The following ZNF714 variants were observed in gnomAD, a reference collection of about 807,000 sequenced individuals.
ZNF714 encodes the protein zinc finger protein 714.
ZNF714 carries 32 observed loss-of-function variants against 46.2 expected under a neutral mutation model. The ratio of observed to expected loss-of-function variants is 0.69; its 90% CI spans 0.52 to 0.93. ZNF714 has a LOEUF of 0.93. ZNF714 is among the 40% of genes least tolerant of loss of function. ZNF714 has a pLI of 0.00. For missense variants in ZNF714, 635 were observed against 646.3 expected, an observed-to-expected ratio of 0.98 and a Z score of 0.19; for synonymous variants, 199 against 213.1, an observed-to-expected ratio of 0.93 and a Z score of 0.58.
chr19:21,098,691 T>TTAATTTAC, intron 3 of ZNF714, 121 bp from the exon 4 acceptor site: 1 of 595,668 alleles, frequency 1.7e-6, no homozygotes, highest in Non-Finnish European at 2.7e-6. Context: ...ATGTGTCTCA[T>TTAATTTAC]TAATTAGTAT....
Position 21,121,672 on chromosome 19 carries a change from A to G in ZNF714, c.*3340A>G, listed in dbSNP as rs577157005. 1.3e-5 allele frequency: 2 copies of G among 152,352 alleles called. No homozygotes were observed. Among genetic ancestry groups the G allele is most frequent in the Admixed American group, 1.3e-4 (2 of 15,300 alleles). The allele number at this position is 152,352 out of a possible 1,614,324, so 9.4% of individuals were successfully genotyped here. A position where few individuals can be genotyped will look rare whatever the true frequency, so the allele number is the denominator to read the frequency against. On this transcript the variant is annotated 3_prime_UTR_variant, in exon 5 of 5. Coordinates refer to ENST00000456283, the MANE Select transcript of ZNF714 (RefSeq NM_182515.4). The stretch of plus-strand genomic sequence containing the variant: ...AAAGAACAATATGGGAATAAAAATC[A>G]TTTTAATAAGGTGGCTACTATAAAA...
chr19:21,114,149 T>C (rs1459841372), intron 4 of ZNF714, among the ~76,000 whole-genome samples: 1 of 152,088 alleles, frequency 6.6e-6, no homozygotes, highest in Admixed American at 6.5e-5. Context: ...TCAGAAACTG[T>C]GATTGCAGGC....
At chr19:21,098,418 G>A (rs113721738) in intron 3 of ZNF714, 107 bp downstream of exon 3, 6 of 1,364,914 alleles carry the variant, frequency 4.4e-6, no homozygotes, top group African/African-American at 3.0e-5. Context: ...ATGAGTTTCT[G>A]ATCCCAGTTT....
chr19:21,117,997 A>G lies in ZNF714; in HGVS notation c.1333A>G (p.Arg445Gly), dbSNP rs1969641237. Residue 445 changes from arginine (R) to glycine (G), a missense_variant, in exon 5 of 5, where the codon AGA becomes GGA. Coordinates refer to ENST00000456283, the MANE Select transcript of ZNF714 (RefSeq NM_182515.4). ...ATCCTCAAACCTTACTACACATAAGAGAATTCACACTGGAGAGAAACCCTA... is the reference window on the plus strand; with the variant it reads ...ATCCTCAAACCTTACTACACATAAGGGAATTCACACTGGAGAGAAACCCTA... ...NRSSNLTTHK[R>G]IHTGEKPYKC... 6.2e-7 allele frequency: 1 copy of G among 1,613,756 alleles called. No individual in the cohort carries two copies. The highest frequency in any genetic ancestry group is 1.3e-5 in the African/African-American group (1 of 75,064).
chr19:21,096,919 T>C lies in ZNF714; in HGVS notation c.-84-1266T>C, dbSNP rs905589118. ...TCTCGCTCTGTTGCCCAGGCTAGAG[T>C]GCAGTGGCGCAATCTCAGCTCACTG... is the stretch of plus-strand genomic sequence containing the variant. On this transcript the variant is annotated intron_variant, in intron 2 of 4. Coordinates refer to ENST00000456283, the MANE Select transcript of ZNF714 (RefSeq NM_182515.4). 2.8e-4 allele frequency among the ~76,000 whole-genome samples: 42 copies of C among 152,258 alleles called. 1 individual carries two copies. The highest frequency in any genetic ancestry group is 1.1e-3 in the Admixed American group (17 of 15,276).
Position 21,117,142 on chromosome 19 carries a change from C to CTA in ZNF714, c.479_480dup (p.His161TyrfsTer62), listed in dbSNP as rs758620029. 6.2e-7 allele frequency: 1 copy of CTA among 1,613,894 alleles called. No homozygotes were observed. Among genetic ancestry groups the CTA allele is most frequent in the Non-Finnish European group, 8.5e-7 (1 of 1,179,884 alleles). ...TGAATCATTTTGCATGCTTTTACAC[C>CTA]TACATCAACATAAAAGAATTCATAT... On this transcript the variant is annotated frameshift_variant, in exon 5 of 5. Coordinates refer to ENST00000456283, the MANE Select transcript of ZNF714 (RefSeq NM_182515.4). LOFTEE classifies it high-confidence loss of function.
rs189627000 is a variant in ZNF714, at chr19:21,110,354, G to A, written c.143-6453G>A. Among the ~76,000 whole-genome samples, 28 of 152,232 alleles carry A rather than the reference G, an allele frequency of 1.8e-4. No homozygotes were observed. The South Asian group carries it at 3.9e-3, about 21-fold the overall frequency. ...CATTTGTTTAATGATCACTGATGTT[G>A]AGCTTTTTTTCATGTTTTATTGGCC... On this transcript the variant is annotated intron_variant, in intron 4 of 4. Transcript: ENST00000456283.
intron 4 of ZNF714, 49 bp downstream of exon 4, chr19:21,098,959 TAAAAAA>T: frequency 1.5e-6 from 1 of 678,858 alleles, no homozygotes; most frequent in South Asian, 3.0e-5. Flanking sequence ...GGTACAAAGG[TAAAAAA>T]AAAAAAAAAG....
chr19:21,117,472 T>G lies in ZNF714; in HGVS notation c.808T>G (p.Ser270Ala). 6.2e-7 allele frequency: 1 copy of G among 1,611,192 alleles called. No individual in the cohort carries two copies. Among genetic ancestry groups the G allele is most frequent in the East Asian group, 2.2e-5 (1 of 44,734 alleles). The change falls in exon 5 of 5, where the codon TCA becomes GCA. Residue 270 changes from serine (S) to alanine (A), a missense_variant. Physicochemically the swap from Ser to Ala is moderately conservative, Grantham distance 99. Transcript: ENST00000456283. ...ATGTGGTAAAGCTTTTAACCACCCT[T>G]CAGCCCTTACTACACATAAGTTCAT... ...EECGKAFNHPSALTTHKFIHV... is the reference protein window; with the variant it reads ...EECGKAFNHPAALTTHKFIHV...
At chr19:21,114,014 A>C (rs2144874886) in intron 4 of ZNF714, among the ~76,000 whole-genome samples, 1 of 152,318 alleles carries the variant, frequency 6.6e-6, no homozygotes, top group East Asian at 1.9e-4. Context: ...TGGAAGTCTA[A>C]GTCTCTTTAT....
At chr19:21,098,160 G>A (rs1969088070) in intron 2 of ZNF714, 25 bp from the exon 3 acceptor site, 10 of 1,588,614 alleles carry the variant, frequency 6.3e-6, no homozygotes, top group Non-Finnish European at 8.5e-6. Flanking sequence ...AAATATACGT[G>A]TGTCTGTGCG....
Position 21,083,995 on chromosome 19 carries a change from A to C in ZNF714, c.-159A>C. 1 of 1,289,888 alleles carries C rather than the reference A, an allele frequency of 7.8e-7. No homozygotes were observed. Among genetic ancestry groups the C allele is most frequent in the South Asian group, 1.3e-5 (1 of 77,588 alleles). 79.9% of individuals were successfully genotyped at this position (1,289,888 alleles called of 1,614,324 possible). A position where few individuals can be genotyped will look rare whatever the true frequency, so the allele number is the denominator to read the frequency against. On this transcript the variant is annotated 5_prime_UTR_variant, in exon 2 of 5. Transcript: ENST00000456283. ...TTCCATAGGGCGACCTGAGGTCTGG[A>C]GTGTATCCTCTCAAGGGAGCAAGTG... is the stretch of plus-strand genomic sequence containing the variant.
At chr19:21,103,308 C>G (rs913022408) in intron 4 of ZNF714, among the ~76,000 whole-genome samples, 1 of 151,952 alleles carries the variant, frequency 6.6e-6, no homozygotes, top group African/African-American at 2.4e-5. Flanking sequence ...AATCCCAGCA[C>G]TTTGGAGGCT....
chr19:21,123,251 A>C lies in ZNF714; in HGVS notation c.*4919A>C, dbSNP rs529205411. 1 of 152,084 alleles carries C rather than the reference A, an allele frequency of 6.6e-6. No homozygotes were observed. Among genetic ancestry groups the C allele is most frequent in the East Asian group, 1.9e-4 (1 of 5,176 alleles). The allele number at this position is 152,084 out of a possible 1,614,324, so 9.4% of individuals were successfully genotyped here. On this transcript the variant is annotated 3_prime_UTR_variant, in exon 5 of 5. Coordinates refer to ENST00000456283, the MANE Select transcript of ZNF714 (RefSeq NM_182515.4). ...TTGTTTTTAAAAGAAAAATCTTATTAGATTCTTATACAAAGTGTGGCAAAT... is the reference window on the plus strand; with the variant it reads ...TTGTTTTTAAAAGAAAAATCTTATTCGATTCTTATACAAAGTGTGGCAAAT...
At chr19:21,115,515 A>G (rs1599554213) in intron 4 of ZNF714, among the ~76,000 whole-genome samples, 1 of 151,098 alleles carries the variant, frequency 6.6e-6, no homozygotes, top group East Asian at 1.9e-4. Context: ...TTTTCTTTTT[A>G]TTGGGCAGGA....
At chr19:21,104,211 T>C (rs1969257452) in intron 4 of ZNF714, among the ~76,000 whole-genome samples, 1 of 143,958 alleles carries the variant, frequency 6.9e-6, no homozygotes, top group African/African-American at 2.5e-5. Flanking sequence ...GATTTAATTA[T>C]GATAATATTT....
rs1301149659 is a variant in ZNF714, at chr19:21,118,187, C to T, written c.1523C>T (p.Ala508Val). Reference sequence around the variant, plus strand: ...AGGAAAATTCAGCAGGGCATGGTGGCTCATGCCTGTAATCCCAACACTTTG... The same window carrying T: ...AGGAAAATTCAGCAGGGCATGGTGGTTCATGCCTGTAATCCCAACACTTTG... ...KHRKIQQGMV[A>V]HACNPNTLRG... The change falls in exon 5 of 5, where the codon GCT becomes GTT. Residue 508 changes from alanine to valine, a missense_variant. Transcript: ENST00000456283. 3 of 1,609,196 alleles carry T rather than the reference C, an allele frequency of 1.9e-6. No homozygotes were observed. The highest frequency in any genetic ancestry group is 2.5e-6 in the Non-Finnish European group (3 of 1,177,296).
intron 4 of ZNF714, among the ~76,000 whole-genome samples, chr19:21,107,536 G>A (rs940218189): frequency 7.2e-6 from 1 of 139,734 alleles, no homozygotes; most frequent in African/African-American, 3.4e-5. Flanking sequence ...ACCACACCCA[G>A]CCATAGACAA....
chr19:21,118,943 A>G lies in ZNF714; in HGVS notation c.*611A>G. 3.6e-6 allele frequency: 1 copy of G among 281,488 alleles called. No homozygotes were observed. Among genetic ancestry groups the G allele is most frequent in the Non-Finnish European group, 7.0e-6 (1 of 143,492 alleles). The allele number at this position is 281,488 out of a possible 1,614,324, so 17.4% of individuals were successfully genotyped here. ...ATGTGTGAACAATGTGGCAAAACTT[A>G]ACCAGTGCTCACACCTTATTGCACA... is the stretch of plus-strand genomic sequence containing the variant. On this transcript the variant is annotated 3_prime_UTR_variant, in exon 5 of 5. Transcript: ENST00000456283.
Sources: gnomAD v4.1 joint callset for allele counts (sites outside exome capture counted in the v4.1 genomes callset) on GRCh38, gnomAD v4.1.1 for gene constraint, MANE v1.5 for transcripts, NCBI Gene and HGNC (gene_info 2026-07-23, HGNC 2026-07-21) for gene names.